Variants in MGA observed in about 807,000 individuals in gnomAD.
MGA encodes the protein MAX dimerization protein MGA.
Under a neutral mutation model 261.1 loss-of-function variants are expected in MGA, and 40 were observed. The ratio of observed to expected loss-of-function variants is 0.15; its 90% confidence interval spans 0.12 to 0.20. The LOEUF (loss-of-function observed/expected upper bound fraction) is 0.20. Among genes scored for constraint, MGA ranks in the 10% least tolerant of loss-of-function variants. MGA has a pLI of 1.00. For synonymous variants in MGA, 1,302 were observed against 1,290.6 expected (o/e 1.01, Z -0.19); for missense variants, 3,397 against 3,630.5 (o/e 0.94, Z 1.65).
chr15:41,644,595 G>A (rs1185169518), intron 1 of MGA, among the ~76,000 whole-genome samples: 1 of 151,946 alleles, frequency 6.6e-6, no homozygotes, highest in Non-Finnish European at 1.5e-5. Context: ...GGAGGAGGAG[G>A]TTGCAGTGAG....
intron 2 of MGA, among the ~76,000 whole-genome samples, chr15:41,688,802 C>G (rs2059108280): frequency 6.6e-6 from 1 of 152,256 alleles, no homozygotes; most frequent in South Asian, 2.1e-4. Context: ...GCTTAAGCAA[C>G]AGAAGTTTTA....
chr15:41,677,288 C>G (rs144622106), intron 2 of MGA, among the ~76,000 whole-genome samples: 2 of 152,256 alleles, frequency 1.3e-5, no homozygotes, highest in Admixed American at 1.3e-4. Context: ...ATTACAGGCA[C>G]GTGCCACCGC....
intron 2 of MGA, among the ~76,000 whole-genome samples, chr15:41,671,366 C>T (rs986722406): frequency 1.6e-4 from 25 of 152,100 alleles, no homozygotes; most frequent in Admixed American, 4.6e-4. Flanking sequence ...CCCTGTCGCC[C>T]GGGCTGGAGT....
intron 2 of MGA, among the ~76,000 whole-genome samples, chr15:41,672,922 A>G (rs1268263374): frequency 1.3e-5 from 2 of 152,114 alleles, no homozygotes; most frequent in Non-Finnish European, 2.9e-5. Context: ...AGTTACTGAT[A>G]TATGATTGCT....
At chr15:41,686,126 G>A (rs1295064817) in intron 2 of MGA, among the ~76,000 whole-genome samples, 1 of 151,964 alleles carries the variant, frequency 6.6e-6, no homozygotes, top group Non-Finnish European at 1.5e-5. Flanking sequence ...TGTTACCTGT[G>A]AACAAATTTA....
chr15:41,679,576 C>T (rs946129591), intron 2 of MGA, among the ~76,000 whole-genome samples: 2 of 151,924 alleles, frequency 1.3e-5, no homozygotes, highest in African/African-American at 4.8e-5. Flanking sequence ...TGAGTGATTT[C>T]CTTTTCTTTT....
chr15:41,707,785 G>A lies in MGA; in HGVS notation c.2246G>A (p.Gly749Glu). Residue 749 changes from glycine to glutamate, a missense_variant, in exon 6 of 24, where the codon GGA becomes GAA. Physicochemically the swap from Gly to Glu is moderately conservative, Grantham distance 98. Coordinates refer to ENST00000219905, the MANE Select transcript of MGA (RefSeq NM_001164273.2). ...ATGAGCATTGATCTTAAATACTTGG[G>A]AGTACAGTTACCTTTGGCTCCAGCT... is the stretch of plus-strand genomic sequence containing the variant. The A allele has an allele frequency of 6.2e-7, 1 of 1,613,636 alleles. No homozygotes were observed. Among genetic ancestry groups the A allele is most frequent in the Non-Finnish European group, 8.5e-7 (1 of 1,179,666 alleles).
chr15:41,678,624 G>A (rs879565081), intron 2 of MGA, among the ~76,000 whole-genome samples: 6 of 151,354 alleles, frequency 4.0e-5, no homozygotes, highest in African/African-American at 7.3e-5. Context: ...AAAATTATCC[G>A]GGCATGGTGG....
intron 1 of MGA, among the ~76,000 whole-genome samples, chr15:41,653,729 GAAA>G (rs971965208): frequency 1.2e-4 from 17 of 137,862 alleles, no homozygotes; most frequent in Non-Finnish European, 2.5e-4. Flanking sequence ...AAAAAAAAAA[GAAA>G]AAAAAAACCC....
chr15:41,737,926 G>C (rs929706824), intron 13 of MGA, among the ~76,000 whole-genome samples: 1 of 151,958 alleles, frequency 6.6e-6, no homozygotes, highest in Non-Finnish European at 1.5e-5. Context: ...GTTGCAGTGA[G>C]CTGAGATTGT....
chr15:41,711,049 A>G lies in MGA; in HGVS notation c.2784A>G (p.Lys928=). Residue 928 remains lysine, a synonymous_variant, in exon 8 of 24, where the codon AAA becomes AAG. Transcript: ENST00000219905. ...CATACCCTGTTTCACCAAAGCAGAA[A>G]TACTCTCATGTGATTCTAGGAGATA... is the stretch of plus-strand genomic sequence containing the variant. The G allele has an allele frequency of 6.2e-7, 1 of 1,614,048 alleles. No individual in the cohort carries two copies. The highest frequency in any genetic ancestry group is 1.1e-5 in the South Asian group (1 of 91,090).
At chr15:41,642,836 C>G (rs2056851223) in intron 1 of MGA, among the ~76,000 whole-genome samples, 1 of 151,696 alleles carries the variant, frequency 6.6e-6, no homozygotes, top group Admixed American at 6.6e-5. Context: ...TCTCGAACTT[C>G]TAACCTCAGG....
In MGA at chr15:41,767,323, A is replaced by T. The variant is rs2605570; in HGVS notation, c.*43A>T. 1,276,863 of 1,548,014 alleles carry T rather than the reference A, an allele frequency of 0.82. 527,766 individuals are homozygous for T. The highest frequency in any genetic ancestry group is 0.89 in the East Asian group (39,544 of 44,346). On this transcript the variant is annotated 3_prime_UTR_variant, in exon 24 of 24. Coordinates refer to ENST00000219905, the MANE Select transcript of MGA (RefSeq NM_001164273.2). ...CAGAAGCCAGGCTGTGAGGGGAAAT[A>T]GATCTCACCTCCTTTCTCTGCAGGC...
intron 11 of MGA, among the ~76,000 whole-genome samples, chr15:41,729,909 T>G (rs1020625321): frequency 2.0e-5 from 3 of 151,960 alleles, no homozygotes; most frequent in Non-Finnish European, 4.4e-5. Flanking sequence ...TTATTTATTT[T>G]GAGATAGAGT....
chr15:41,767,176 G>A lies in MGA; in HGVS notation c.9094G>A (p.Gly3032Arg). The change falls in exon 24 of 24, where the codon GGG (glycine) becomes AGG (arginine). Residue 3032 changes from glycine (G) to arginine (R), a missense_variant. Gly to Arg is a moderately radical substitution (Grantham distance 125). This residue lies in a region of MGA where 647 missense variants were observed against 642.4 expected (regional missense o/e 1.01). Coordinates refer to ENST00000219905, the MANE Select transcript of MGA (RefSeq NM_001164273.2). ...AGTTGGACACAAAATGAACTTAACAGGGAATGACCAGGAAGGCCGGGAAAG... is the reference window on the plus strand; with the variant it reads ...AGTTGGACACAAAATGAACTTAACAAGGAATGACCAGGAAGGCCGGGAAAG... 3 of 1,614,014 alleles carry A rather than the reference G, an allele frequency of 1.9e-6. No individual in the cohort carries two copies. Among genetic ancestry groups the A allele is most frequent in the Non-Finnish European group, 2.5e-6 (3 of 1,179,868 alleles).
chr15:41,622,252 C>G (rs1205878495), intron 1 of MGA, among the ~76,000 whole-genome samples: 4 of 152,172 alleles, frequency 2.6e-5, no homozygotes, highest in Non-Finnish European at 5.9e-5. Context: ...CATCTTGCCA[C>G]CCTCGGCTTC....
chr15:41,752,699 G>A (rs921703054), intron 17 of MGA, among the ~76,000 whole-genome samples: 1 of 151,876 alleles, frequency 6.6e-6, no homozygotes, highest in African/African-American at 2.4e-5. Flanking sequence ...GGGATTACAG[G>A]TGGGCACCAC....
At chr15:41,626,703 G>A (rs888838095) in intron 1 of MGA, among the ~76,000 whole-genome samples, 19 of 152,268 alleles carry the variant, frequency 1.2e-4, no homozygotes, top group African/African-American at 3.6e-4. Context: ...GATTACAGGC[G>A]TGAGCCACTG....
chr15:41,766,905 C>A lies in MGA; in HGVS notation c.8823C>A (p.Asn2941Lys), dbSNP rs765096127. The change falls in exon 24 of 24, where the codon AAC (asparagine) becomes AAA (lysine). Residue 2941 changes from asparagine (N) to lysine (K), a missense_variant. Physicochemically the swap from Asn to Lys is moderately conservative, Grantham distance 94. Around this residue, in one of 9 missense-constraint regions of MGA, gnomAD observed 647 missense variants for 642.4 expected, o/e 1.01. Coordinates refer to ENST00000219905, the MANE Select transcript of MGA (RefSeq NM_001164273.2). The stretch of plus-strand genomic sequence containing the variant: ...AAATAAAGGATTCCCTCCTTTCCAA[C>A]AAGAAAGCTATTGATGGAGGGAAGA... The A allele has an allele frequency of 1.4e-5, 23 of 1,613,884 alleles. No individual in the cohort carries two copies. Among genetic ancestry groups the A allele is most frequent in the Middle Eastern group, 1.6e-4 (1 of 6,084 alleles).
Sources: allele counts gnomAD v4.1 joint callset (sites outside exome capture counted in the v4.1 genomes callset), GRCh38; gene constraint gnomAD v4.1.1; regional missense constraint gnomAD v4.1.1; transcripts MANE v1.5; gene names NCBI Gene and HGNC (gene_info 2026-07-23, HGNC 2026-07-21).